CHCHD3: variants seen among roughly 807,000 people sequenced by gnomAD.
CHCHD3 encodes the protein coiled-coil-helix-coiled-coil-helix domain containing 3.
A neutral mutation model predicts 38.2 loss-of-function variants in CHCHD3; 20 were observed. That is an observed-to-expected ratio of 0.52 (90% CI 0.37 to 0.76). The LOEUF is 0.76. CHCHD3 is among the 30% of genes least tolerant of loss of function. CHCHD3 has a pLI of 0.00. For missense variants in CHCHD3, 245 were observed against 279.2 expected (o/e 0.88, Z 0.87); for synonymous variants, 82 against 100.0 (o/e 0.82, Z 1.07).
chr7:132,799,940 A>C (rs1806744931), intron 6 of CHCHD3, among the ~76,000 whole-genome samples: 1 of 152,072 alleles, frequency 6.6e-6, no homozygotes, highest in South Asian at 2.1e-4. Flanking sequence ...CAAAGGCCCA[A>C]GGGGTTGCTG....
chr7:132,795,852 C>T lies in CHCHD3; in HGVS notation c.660+590G>A, dbSNP rs77986743. Among the ~76,000 whole-genome samples, 277 of 152,286 alleles carry T rather than the reference C, an allele frequency of 1.8e-3. 10 individuals carry two copies. In the East Asian group the frequency reaches 0.049, roughly 27 times the overall value. On this transcript the variant is annotated intron_variant, in intron 7 of 7. Coordinates refer to ENST00000262570, the MANE Select transcript of CHCHD3 (RefSeq NM_017812.4). The stretch of plus-strand genomic sequence containing the variant: ...ACATAAATTAGAGAAAATGCACGTC[C>T]TGTGAACATCATATTGTTCTGATAT...
chr7:132,805,567 C>A (rs1165161116), intron 6 of CHCHD3, among the ~76,000 whole-genome samples: 2 of 152,068 alleles, frequency 1.3e-5, no homozygotes, highest in Admixed American at 1.3e-4. Context: ...AGAGACAGCA[C>A]ACCTAGAGTC....
Position 133,046,243 on chromosome 7 carries a change from G to T in CHCHD3, c.170-21616C>A, listed in dbSNP as rs376846483. Among the ~76,000 whole-genome samples, 5 of 152,128 alleles carry T rather than the reference G, an allele frequency of 3.3e-5. No homozygotes were observed. In the East Asian group the frequency reaches 9.7e-4, roughly 29 times the overall value. On this transcript the variant is annotated intron_variant, in intron 2 of 7. Transcript: ENST00000262570. ...GGAATTCAAGAGATCTGTAAACTTGGATAGGAAAAAAAATGCATCTTTATT... is the reference window on the plus strand; with the variant it reads ...GGAATTCAAGAGATCTGTAAACTTGTATAGGAAAAAAAATGCATCTTTATT...
chr7:132,990,312 C>T (rs1461394981), intron 3 of CHCHD3, among the ~76,000 whole-genome samples: 1 of 152,174 alleles, frequency 6.6e-6, no homozygotes, highest in East Asian at 1.9e-4. Context: ...CTGGAATGGG[C>T]ACTGCTGCTA....
intron 2 of CHCHD3, among the ~76,000 whole-genome samples, chr7:133,029,228 T>C (rs954183034): frequency 2.0e-5 from 3 of 152,222 alleles, no homozygotes; most frequent in African/African-American, 2.4e-5. Flanking sequence ...ATATGAATCA[T>C]GTAATGATTA....
At chr7:132,812,784 C>A (rs1161513827) in intron 6 of CHCHD3, among the ~76,000 whole-genome samples, 1 of 152,212 alleles carries the variant, frequency 6.6e-6, no homozygotes, top group East Asian at 1.9e-4. Flanking sequence ...TTATGACCTA[C>A]TAGGTCCTAC....
chr7:132,883,647 T>C (rs1402154863), intron 5 of CHCHD3, among the ~76,000 whole-genome samples: 1 of 152,236 alleles, frequency 6.6e-6, no homozygotes, highest in Non-Finnish European at 1.5e-5. Context: ...CTCATTCATT[T>C]ACAGTTGGCT....
intron 3 of CHCHD3, among the ~76,000 whole-genome samples, chr7:132,976,035 G>A (rs1811758971): frequency 6.6e-6 from 1 of 152,038 alleles, no homozygotes. Context: ...CAGGCACTGT[G>A]CTAGGCATTG....
At chr7:133,059,411 A>G (rs1357987776) in intron 2 of CHCHD3, among the ~76,000 whole-genome samples, 2 of 152,204 alleles carry the variant, frequency 1.3e-5, no homozygotes, top group African/African-American at 4.8e-5. Flanking sequence ...CTTCGACCCA[A>G]TGGAGGAGGA....
At chr7:133,055,481 A>T (rs1210927059) in intron 2 of CHCHD3, among the ~76,000 whole-genome samples, 1 of 145,476 alleles carries the variant, frequency 6.9e-6, no homozygotes, top group African/African-American at 2.5e-5. Context: ...GTAATTAATT[A>T]TAATTGTTAT....
chr7:133,014,786 G>A (rs538411949), intron 3 of CHCHD3, among the ~76,000 whole-genome samples: 2 of 151,750 alleles, frequency 1.3e-5, no homozygotes, highest in African/African-American at 4.8e-5. Flanking sequence ...CTCCAAGAAA[G>A]AAGTTAACAA....
intron 3 of CHCHD3, among the ~76,000 whole-genome samples, chr7:132,984,488 A>G (rs7384799): frequency 0.7 from 92,458 of 132,942 alleles, 32,365 homozygotes; most frequent in African/African-American, 0.73. Flanking sequence ...CCGCCACCCC[A>G]TCTGGGAAGT....
At chr7:132,929,979 G>A (rs1810477090) in intron 4 of CHCHD3, among the ~76,000 whole-genome samples, 1 of 152,106 alleles carries the variant, frequency 6.6e-6, no homozygotes, top group South Asian at 2.1e-4. Context: ...GCAAGAGAAA[G>A]CCTTATCCAG....
intron 6 of CHCHD3, among the ~76,000 whole-genome samples, chr7:132,814,681 T>A (rs936833797): frequency 8.5e-5 from 13 of 152,334 alleles, no homozygotes; most frequent in African/African-American, 3.1e-4. Context: ...TCACAGTATG[T>A]GTGGATTGAT....
Position 132,843,162 on chromosome 7 carries a change from C to T in CHCHD3, c.454-4693G>A, listed in dbSNP as rs985201636. On this transcript the variant is annotated intron_variant, in intron 5 of 7. Transcript: ENST00000262570. Reference sequence around the variant, plus strand: ...AAGTGATTCTCCTGCCTCAGCCTCCCGAGTAGCTAGGATCACAGGGGCACA... The same window carrying T: ...AAGTGATTCTCCTGCCTCAGCCTCCTGAGTAGCTAGGATCACAGGGGCACA... Among the ~76,000 whole-genome samples, 6 of 152,274 alleles carry T rather than the reference C, an allele frequency of 3.9e-5. No homozygotes were observed. The East Asian group carries it at 5.8e-4, about 15-fold the overall frequency.
chr7:132,802,337 T>C (rs954075818), intron 6 of CHCHD3, among the ~76,000 whole-genome samples: 1 of 151,990 alleles, frequency 6.6e-6, no homozygotes, highest in African/African-American at 2.4e-5. Context: ...TGCTGCCTGG[T>C]TTCTTCTCAA....
chr7:132,849,419 G>A (rs1025354428), intron 5 of CHCHD3: 2 of 152,156 alleles, frequency 1.3e-5, no homozygotes, highest in African/African-American at 2.4e-5. Context: ...AATCATTTGT[G>A]TATATGGATG....
At chr7:132,839,318 C>CA (rs1807880680) in intron 5 of CHCHD3, among the ~76,000 whole-genome samples, 1 of 151,744 alleles carries the variant, frequency 6.6e-6, no homozygotes, top group Non-Finnish European at 1.5e-5. Context: ...ATTTTAATAA[C>CA]AAAAAATGTT....
chr7:132,936,753 T>A (rs1025260966), intron 4 of CHCHD3, among the ~76,000 whole-genome samples: 1 of 152,176 alleles, frequency 6.6e-6, no homozygotes, highest in Non-Finnish European at 1.5e-5. Flanking sequence ...CTCCAACTGG[T>A]CTTGATAAAA....
Sources: gnomAD v4.1 joint callset for allele counts (sites outside exome capture counted in the v4.1 genomes callset) on GRCh38, gnomAD v4.1.1 for gene constraint, MANE v1.5 for transcripts, NCBI Gene and HGNC (gene_info 2026-07-23, HGNC 2026-07-21) for gene names.